The following FGF14 variants were observed in gnomAD, a reference collection of about 807,000 sequenced individuals.
FGF14 encodes the protein fibroblast growth factor homologous factor 4.
A neutral mutation model predicts 25.5 loss-of-function variants in FGF14; 5 were observed. The observed-to-expected ratio is 0.20, with a 90% confidence interval of 0.10 to 0.41. The LOEUF (loss-of-function observed/expected upper bound fraction) is 0.41, where lower values mean the gene tolerates loss of function less well. Ranked by LOEUF, FGF14 falls within the 10% of genes least tolerant of loss-of-function variation. FGF14 has a pLI of 1.00. For synonymous variants in FGF14, 138 were observed against 118.3 expected (o/e 1.17, Z -1.08); for missense variants, 222 against 320.1 (o/e 0.69, Z 2.34).
intron 1 of FGF14, among the ~76,000 whole-genome samples, chr13:102,143,800 T>C (rs2046744913): frequency 6.6e-6 from 1 of 152,138 alleles, no homozygotes; most frequent in Non-Finnish European, 1.5e-5. Flanking sequence ...GTTGCTTCCT[T>C]TTGGTGGAGT....
At chr13:102,201,592 T>C (rs2049653902) in intron 1 of FGF14, among the ~76,000 whole-genome samples, 1 of 152,190 alleles carries the variant, frequency 6.6e-6, no homozygotes, top group Non-Finnish European at 1.5e-5. Flanking sequence ...TTTGATTCTT[T>C]ACCAAGATGT....
intron 1 of FGF14, among the ~76,000 whole-genome samples, chr13:102,031,464 A>G (rs900415713): frequency 6.6e-6 from 1 of 152,106 alleles, no homozygotes; most frequent in Admixed American, 6.6e-5. Flanking sequence ...GAGTTACTAT[A>G]AAGCCATGCT....
At chr13:101,948,447 T>G (rs1193569357) in intron 1 of FGF14, among the ~76,000 whole-genome samples, 2 of 142,704 alleles carry the variant, frequency 1.4e-5, no homozygotes, top group East Asian at 4.5e-4. Flanking sequence ...ACATGTACCC[T>G]AGAACTTAAA....
intron 1 of FGF14, among the ~76,000 whole-genome samples, chr13:102,034,515 G>A (rs755764452): frequency 6.6e-6 from 1 of 152,116 alleles, no homozygotes; most frequent in Non-Finnish European, 1.5e-5. Context: ...TCCGACTAGA[G>A]CTGCAATGAA....
At chr13:102,140,207 T>C (rs989103034) in intron 1 of FGF14, among the ~76,000 whole-genome samples, 14 of 152,240 alleles carry the variant, frequency 9.2e-5, no homozygotes, top group Middle Eastern at 6.8e-3. Flanking sequence ...CTTTGAAAAG[T>C]TGTTCAAAAA....
At chr13:101,986,942 AC>A (rs2038618795) in intron 1 of FGF14, among the ~76,000 whole-genome samples, 1 of 137,834 alleles carries the variant, frequency 7.3e-6, no homozygotes, top group South Asian at 2.1e-4. Context: ...GTGCATGCAC[AC>A]ACACACACAC....
intron 1 of FGF14, among the ~76,000 whole-genome samples, chr13:102,122,076 T>C (rs970197488): frequency 1.3e-5 from 2 of 152,240 alleles, no homozygotes; most frequent in African/African-American, 4.8e-5. Context: ...ACTAGAGTCA[T>C]GAGTTTTGTT....
In FGF14 at chr13:101,900,540, C is replaced by T. The variant is rs193063262; in HGVS notation, c.193+15913G>A. On this transcript the variant is annotated intron_variant, in intron 1 of 4. Coordinates refer to ENST00000376143, the MANE Select transcript of FGF14 (RefSeq NM_004115.4). ...AGCAGAGATAACATGAATGAACCTG[C>T]AAATACAATATTAGGTAAAAGAAGC... 2.6e-5 allele frequency among the ~76,000 whole-genome samples: 4 copies of T among 152,180 alleles called. No individual in the cohort carries two copies. In the East Asian group the frequency reaches 5.8e-4, roughly 22 times the overall value.
At position 101,794,231 on chromosome 13, in the gene FGF14, C is replaced by T. The variant is rs145076259; in HGVS notation, c.409-67421G>A. ...TTTCCTGCCAGTAACTACTGAGGCTCTCTGTAAGCATCTGTGCTCTCTCTC... is the reference window on the plus strand; with the variant it reads ...TTTCCTGCCAGTAACTACTGAGGCTTTCTGTAAGCATCTGTGCTCTCTCTC... On this transcript the variant is annotated intron_variant, in intron 3 of 4. Coordinates refer to ENST00000376143, the MANE Select transcript of FGF14 (RefSeq NM_004115.4). 6.8e-3 allele frequency among the ~76,000 whole-genome samples: 1,038 copies of T among 152,136 alleles called. 12 individuals are homozygous for T. The highest frequency in any genetic ancestry group is 0.023 in the African/African-American group (952 of 41,526).
At chr13:101,943,824 A>ATATATATATATATATATAT (rs553788083) in intron 1 of FGF14, among the ~76,000 whole-genome samples, 1 of 126,942 alleles carries the variant, frequency 7.9e-6, no homozygotes, top group African/African-American at 3.7e-5. Flanking sequence ...AAAAAAAAAA[A>ATATATATATATATATATAT]AAATATATAT....
chr13:101,830,014 C>A (rs910448193), intron 3 of FGF14, among the ~76,000 whole-genome samples: 1 of 152,050 alleles, frequency 6.6e-6, no homozygotes, highest in African/African-American at 2.4e-5. Context: ...GGCCATTATT[C>A]CCACCACTTA....
At chr13:101,961,702 T>C (rs771167199) in intron 1 of FGF14, among the ~76,000 whole-genome samples, 130 of 152,286 alleles carry the variant, frequency 8.5e-4, no homozygotes, top group Non-Finnish European at 1.4e-3. Context: ...GGAGATCTAA[T>C]GGTTTTATGA....
intron 3 of FGF14, among the ~76,000 whole-genome samples, chr13:101,821,640 C>A (rs562725223): frequency 1.3e-5 from 2 of 152,300 alleles, no homozygotes; most frequent in South Asian, 4.1e-4. Context: ...ATGGTTATAG[C>A]AACTGACATG....
intron 1 of FGF14, among the ~76,000 whole-genome samples, chr13:101,950,157 G>C (rs1004833438): frequency 5.3e-5 from 8 of 151,998 alleles, no homozygotes; most frequent in Non-Finnish European, 1.2e-4. Flanking sequence ...AAAAGCCTGG[G>C]TTTCTAAGTC....
At chr13:101,890,631 C>A (rs2046219531) in intron 1 of FGF14, among the ~76,000 whole-genome samples, 1 of 152,150 alleles carries the variant, frequency 6.6e-6, no homozygotes, top group Admixed American at 6.5e-5. Flanking sequence ...CATGTGGGAA[C>A]AAAATGTTTC....
At chr13:102,212,854 C>T (rs745952607) in intron 1 of FGF14, among the ~76,000 whole-genome samples, 17 of 152,098 alleles carry the variant, frequency 1.1e-4, no homozygotes, top group African/African-American at 1.7e-4. Flanking sequence ...AGCTTTGCTC[C>T]GTAGGAGTCT....
intron 1 of FGF14, among the ~76,000 whole-genome samples, chr13:102,291,728 A>G (rs76083904): frequency 6.2e-4 from 95 of 152,218 alleles, no homozygotes; most frequent in African/African-American, 2.3e-3. Context: ...GGAAAAAAAT[A>G]CAGAGCTCAG....
intron 1 of FGF14, among the ~76,000 whole-genome samples, chr13:102,305,078 A>G (rs747852822): frequency 5.3e-5 from 8 of 152,204 alleles, no homozygotes; most frequent in Non-Finnish European, 1.0e-4. Context: ...CATGAGTCCT[A>G]TGACAAAGAA....
chr13:101,822,975 TATG>T (rs2042228877), intron 3 of FGF14, among the ~76,000 whole-genome samples: 1 of 152,172 alleles, frequency 6.6e-6, no homozygotes, highest in Non-Finnish European at 1.5e-5. Context: ...TGTGACAACA[TATG>T]ATATTTGGGT....
Sources: allele counts gnomAD v4.1 joint callset (sites outside exome capture counted in the v4.1 genomes callset), GRCh38; gene constraint gnomAD v4.1.1; transcripts MANE v1.5; gene names NCBI Gene and HGNC (gene_info 2026-07-23, HGNC 2026-07-21).